The following ATP8A2 variants were observed in gnomAD, a reference collection of about 807,000 sequenced individuals.
ATP8A2 encodes phospholipid-transporting ATPase IB.
Under a neutral mutation model 165.6 loss-of-function variants are expected in ATP8A2, and 100 were observed. The observed-to-expected ratio is 0.60, with a 90% CI of 0.51 to 0.71. ATP8A2 has a LOEUF of 0.71. Among genes scored for constraint, ATP8A2 ranks in the 30% least tolerant of loss-of-function variants. The pLI, the probability that ATP8A2 is intolerant of heterozygous loss-of-function variation, is 0.00. For synonymous variants in ATP8A2, 543 were observed against 548.8 expected (o/e 0.99, Z 0.15); for missense variants, 1,227 against 1,479.5 (o/e 0.83, Z 2.80).
intron 27 of ATP8A2, among the ~76,000 whole-genome samples, chr13:25,788,689 C>G (rs2045092480): frequency 6.6e-6 from 1 of 152,180 alleles, no homozygotes; most frequent in Admixed American, 6.5e-5. Flanking sequence ...TATATTGCAA[C>G]TATATATCAT....
chr13:25,937,364 T>TTCTTTTTTTTTTTC lies in ATP8A2; in HGVS notation c.3184-24210_3184-24209insCTTTTTTTTTTTCT, dbSNP rs1393634723. 4.5e-3 allele frequency among the ~76,000 whole-genome samples: 515 copies of TTCTTTTTTTTTTTC among 115,512 alleles called. 37 individuals are homozygous for TTCTTTTTTTTTTTC. Among genetic ancestry groups the TTCTTTTTTTTTTTC allele is most frequent in the African/African-American group, 0.016 (434 of 27,066 alleles). The allele number at this position is 115,512 out of a possible 152,430, so 75.8% of individuals were successfully genotyped here. ...CTTTGTCTTTCTATTCTTTCTTTCTTTTTTTTTTTTTTTTTGAACAGCCCA... is the reference window on the plus strand; with the variant it reads ...CTTTGTCTTTCTATTCTTTCTTTCTTTCTTTTTTTTTTTCTTTTTTTTTTTTTTTGAACAGCCCA... On this transcript the variant is annotated intron_variant, in intron 33 of 36. Transcript: ENST00000381655.
rs138663638 is a variant in ATP8A2 at position 25,575,866 on chromosome 13, C to A, written c.1712+1009C>A. On this transcript the variant is annotated intron_variant, in intron 19 of 36. Transcript: ENST00000381655. ...CTGTGATTACATTAACTGGGACCAG[C>A]AGTTATTGGACAGGCAAGGAGGAGG... Among the ~76,000 whole-genome samples the A allele has an allele frequency of 2.0e-4, 31 of 152,046 alleles. No individual in the cohort carries two copies. In the East Asian group the frequency reaches 3.3e-3, roughly 16 times the overall value.
intron 24 of ATP8A2, among the ~76,000 whole-genome samples, chr13:25,675,738 C>G (rs373676287): frequency 6.6e-6 from 1 of 152,022 alleles, no homozygotes; most frequent in Admixed American, 6.5e-5. Flanking sequence ...AAAATACTCT[C>G]CTGGGTTGTG....
chr13:25,539,898 C>T (rs1593492848), intron 7 of ATP8A2, among the ~76,000 whole-genome samples: 1 of 152,178 alleles, frequency 6.6e-6, no homozygotes, highest in East Asian at 1.9e-4. Flanking sequence ...ACTCCTCTGG[C>T]TGTTGTTTTC....
chr13:25,571,620 T>A lies in ATP8A2; in HGVS notation c.1590T>A (p.Ala530=). 1.2e-6 allele frequency: 2 copies of A among 1,613,498 alleles called. No homozygotes were observed. The highest frequency in any genetic ancestry group is 1.7e-6 in the Non-Finnish European group (2 of 1,179,784). The change falls in exon 18 of 37, where the codon GCT becomes GCA. Residue 530 remains alanine (A), a synonymous_variant. Transcript: ENST00000381655. Reference sequence around the variant, plus strand: ...ACTCCCACTTGACAGATGAAGCTGCTTTGGTGAAAGGAGCTAAAAAGCTGG... The same window carrying A: ...ACTCCCACTTGACAGATGAAGCTGCATTGGTGAAAGGAGCTAAAAAGCTGG... ...IYQASSPDEA[A]LVKGAKKLGF... is the part of the protein sequence containing the mutation.
At chr13:25,506,940 C>CATATATATATATATATATATATATAT (rs59774160) in intron 2 of ATP8A2, among the ~76,000 whole-genome samples, 107 of 128,642 alleles carry the variant, frequency 8.3e-4, no homozygotes, top group East Asian at 1.3e-3. Context: ...CAGTACAGTA[C>CATATATATATATATATATATATATAT]ATATATATAT....
chr13:25,760,680 G>A (rs1230251565), intron 25 of ATP8A2, among the ~76,000 whole-genome samples: 1 of 152,078 alleles, frequency 6.6e-6, no homozygotes, highest in Non-Finnish European at 1.5e-5. Flanking sequence ...TGAGTTAAAT[G>A]AACCCTTTAC....
At chr13:25,439,197 C>A (rs1342319634) in intron 1 of ATP8A2, among the ~76,000 whole-genome samples, 6 of 152,190 alleles carry the variant, frequency 3.9e-5, no homozygotes, top group African/African-American at 1.2e-4. Flanking sequence ...CTGGCAAGGG[C>A]AGTTCGGGGT....
At chr13:25,534,813 G>A (rs796246930) in intron 6 of ATP8A2, among the ~76,000 whole-genome samples, 80 of 152,296 alleles carry the variant, frequency 5.3e-4, no homozygotes, top group African/African-American at 1.8e-3. Flanking sequence ...CCCAGTCACC[G>A]TCCACAGAGC....
At chr13:25,641,604 G>C (rs1317124925) in intron 24 of ATP8A2, among the ~76,000 whole-genome samples, 5 of 152,098 alleles carry the variant, frequency 3.3e-5, no homozygotes, top group Admixed American at 2.6e-4. Flanking sequence ...AAGTAAAAGA[G>C]GATACAAACA....
chr13:25,460,194 C>A (rs78193287), intron 1 of ATP8A2, among the ~76,000 whole-genome samples: 29,149 of 152,180 alleles, frequency 0.19, 3,109 homozygotes, highest in Non-Finnish European at 0.23. Context: ...GGGTGAGACT[C>A]CGTCTCAAAC....
Position 25,968,508 on chromosome 13 carries a change from G to A in ATP8A2, c.3273-67G>A, listed in dbSNP as rs192054429. 134 of 1,395,306 alleles carry A rather than the reference G, an allele frequency of 9.6e-5. 1 individual carries two copies. In the African/African-American group the frequency reaches 1.5e-3, roughly 16 times the overall value. The allele number at this position is 1,395,306 out of a possible 1,614,324, so 86.4% of individuals were successfully genotyped here. A position where few individuals can be genotyped will look rare whatever the true frequency, so the allele number is the denominator to read the frequency against. Reference sequence around the variant, plus strand: ...TTTGGCTGTGGCCTGAGAGGGGAGCGGCCTGTCTTTCCCAGCTGTGTCAAG... The same window carrying A: ...TTTGGCTGTGGCCTGAGAGGGGAGCAGCCTGTCTTTCCCAGCTGTGTCAAG... On this transcript the variant is annotated intron_variant, in intron 34 of 36. Coordinates refer to ENST00000381655, the MANE Select transcript of ATP8A2 (RefSeq NM_016529.6).
At chr13:25,890,026 G>A (rs1382692801) in intron 33 of ATP8A2, among the ~76,000 whole-genome samples, 1 of 152,076 alleles carries the variant, frequency 6.6e-6, no homozygotes, top group Non-Finnish European at 1.5e-5. Context: ...GCCAGGCGTG[G>A]TGGCACGTGC....
At chr13:25,609,579 A>ATT (rs2040623260) in intron 24 of ATP8A2, among the ~76,000 whole-genome samples, 1 of 148,488 alleles carries the variant, frequency 6.7e-6, no homozygotes, top group Non-Finnish European at 1.5e-5. Context: ...ATATATATAT[A>ATT]TATTTGGGTT....
At chr13:25,774,298 C>G (rs1474218055) in intron 26 of ATP8A2, among the ~76,000 whole-genome samples, 1 of 152,108 alleles carries the variant, frequency 6.6e-6, no homozygotes, top group Non-Finnish European at 1.5e-5. Context: ...CCTCAGCAAA[C>G]TAACACAGGA....
chr13:25,578,834 G>A lies in ATP8A2; in HGVS notation c.1802G>A (p.Arg601Lys). 6.2e-7 allele frequency: 1 copy of A among 1,602,030 alleles called. No individual in the cohort carries two copies. The highest frequency in any genetic ancestry group is 8.6e-7 in the Non-Finnish European group (1 of 1,169,092). Reference protein sequence around the residue: ...CKGADNVIFERLSKDSKYMEE... With the variant: ...CKGADNVIFEKLSKDSKYMEE... ...TTATAGGATAATGTGATTTTTGAGAGACTTTCAAAAGACTCAAAATATATG... is the reference window on the plus strand; with the variant it reads ...TTATAGGATAATGTGATTTTTGAGAAACTTTCAAAAGACTCAAAATATATG... The change falls in exon 21 of 37, where the codon AGA becomes AAA. Residue 601 changes from arginine to lysine, a missense_variant. By Grantham distance (26) the Arg-to-Lys change is conservative. Coordinates refer to ENST00000381655, the MANE Select transcript of ATP8A2 (RefSeq NM_016529.6).
chr13:25,553,664 A>G (rs2038890989), intron 11 of ATP8A2, 129 bp from the exon 12 acceptor site: 1 of 899,560 alleles, frequency 1.1e-6, no homozygotes, highest in Non-Finnish European at 1.7e-6. Context: ...CTCCTACAGA[A>G]AGCAGCCTTT....
intron 25 of ATP8A2, among the ~76,000 whole-genome samples, chr13:25,766,051 G>T (rs1233400534): frequency 6.6e-6 from 1 of 152,154 alleles, no homozygotes; most frequent in Admixed American, 6.5e-5. Context: ...GCAGCCTCAG[G>T]CCTGCTGAGT....
intron 27 of ATP8A2, among the ~76,000 whole-genome samples, chr13:25,815,572 T>C (rs757155644): frequency 2.5e-4 from 38 of 152,214 alleles, no homozygotes; most frequent in Non-Finnish European, 5.0e-4. Flanking sequence ...TTGAAACTCT[T>C]GTGTATTGCT....
Sources: allele counts gnomAD v4.1 joint callset (sites outside exome capture counted in the v4.1 genomes callset), GRCh38; gene constraint gnomAD v4.1.1; transcripts MANE v1.5; gene names NCBI Gene and HGNC (gene_info 2026-07-23, HGNC 2026-07-21).